Variants in POU6F2 observed in about 807,000 individuals in gnomAD.
POU6F2 encodes POU class 6 homeobox 2, also known as POU domain, class 6, transcription factor 2.
In POU6F2, 31 loss-of-function variants were observed where a neutral mutation model predicts 71.3. That is an observed-to-expected ratio of 0.43 (90% CI 0.33 to 0.59). The LOEUF (loss-of-function observed/expected upper bound fraction) is 0.59, where lower values mean the gene tolerates loss of function less well. POU6F2 is among the 20% of genes least tolerant of loss of function. The probability of loss-of-function intolerance (pLI) is 0.04; values close to 1 mark genes in which losing one functional copy is unlikely to be tolerated. For missense variants in POU6F2, 783 were observed against 856.8 expected (o/e 0.91, Z 1.07); for synonymous variants, 347 against 355.7 (o/e 0.98, Z 0.27).
chr7:39,045,588 A>G (rs1037623406), intron 1 of POU6F2, among the ~76,000 whole-genome samples: 10 of 151,422 alleles, frequency 6.6e-5, no homozygotes, highest in African/African-American at 2.2e-4. Context: ...TACATGCTGT[A>G]CATTCACTCA....
intron 1 of POU6F2, among the ~76,000 whole-genome samples, chr7:38,997,229 A>G (rs975276411): frequency 6.6e-6 from 1 of 152,000 alleles, no homozygotes; most frequent in Non-Finnish European, 1.5e-5. Context: ...ATTCTTCCCT[A>G]TTCTGAAACA....
intron 2 of POU6F2, among the ~76,000 whole-genome samples, chr7:39,176,276 A>G (rs967707747): frequency 6.6e-6 from 1 of 152,216 alleles, no homozygotes; most frequent in Non-Finnish European, 1.5e-5. Context: ...GAGAATGAGC[A>G]TGACTTAACT....
intron 2 of POU6F2, among the ~76,000 whole-genome samples, chr7:39,189,089 A>T (rs1253465936): frequency 1.3e-5 from 2 of 152,184 alleles, no homozygotes; most frequent in Non-Finnish European, 2.9e-5. Context: ...GCAGCCCCTA[A>T]CACCTAGGAC....
chr7:39,198,778 T>A lies in POU6F2; in HGVS notation c.278-5457T>A, dbSNP rs540129180. ...ACTGGCAATAAAAAGTGGCAAACAG[T>A]GGCAGTAGCTCAGCAGAGATTTTTA... On this transcript the variant is annotated intron_variant, in intron 2 of 9. Transcript: ENST00000518318. 1.6e-4 allele frequency among the ~76,000 whole-genome samples: 24 copies of A among 152,298 alleles called. No individual in the cohort carries two copies. In the South Asian group the frequency reaches 3.3e-3, roughly 21 times the overall value.
intron 4 of POU6F2, among the ~76,000 whole-genome samples, chr7:39,281,458 C>G (rs980762119): frequency 1.3e-5 from 2 of 152,104 alleles, no homozygotes; most frequent in Non-Finnish European, 2.9e-5. Context: ...CCCTCCTCCT[C>G]CCTCCCCTTT....
chr7:39,015,559 G>T (rs1789464670), intron 1 of POU6F2, among the ~76,000 whole-genome samples: 2 of 56,498 alleles, frequency 3.5e-5, no homozygotes, highest in Admixed American at 2.5e-4. Context: ...GTTTTATATA[G>T]ATCTACATTA....
At chr7:39,151,491 T>C (rs1792758925) in intron 2 of POU6F2, among the ~76,000 whole-genome samples, 2 of 152,208 alleles carry the variant, frequency 1.3e-5, no homozygotes. Context: ...GTTGAGCTGA[T>C]GTAGCTCTTG....
intron 6 of POU6F2, among the ~76,000 whole-genome samples, chr7:39,422,069 G>T (rs1787862462): frequency 6.6e-6 from 1 of 152,186 alleles, no homozygotes; most frequent in Admixed American, 6.5e-5. Flanking sequence ...TCAGCAATTT[G>T]ACAGTGTTGG....
chr7:39,431,421 C>G (rs929689832), intron 6 of POU6F2, among the ~76,000 whole-genome samples: 8 of 152,202 alleles, frequency 5.3e-5, no homozygotes, highest in East Asian at 1.9e-4. Flanking sequence ...ACGGCTGAGT[C>G]TAGAAACCAC....
intron 5 of POU6F2, among the ~76,000 whole-genome samples, chr7:39,381,852 A>G (rs1786836547): frequency 6.6e-6 from 1 of 152,150 alleles, no homozygotes; most frequent in Admixed American, 6.5e-5. Context: ...TCTGTAGTAA[A>G]GTTATACAAG....
At chr7:39,270,825 T>C (rs1784327304) in intron 4 of POU6F2, among the ~76,000 whole-genome samples, 1 of 152,222 alleles carries the variant, frequency 6.6e-6, no homozygotes, top group African/African-American at 2.4e-5. Flanking sequence ...ACCAATATTC[T>C]GGCCCCAATT....
chr7:39,113,956 T>C (rs1209114094), intron 2 of POU6F2, among the ~76,000 whole-genome samples: 1 of 152,188 alleles, frequency 6.6e-6, no homozygotes, highest in East Asian at 1.9e-4. Context: ...GTCCATAGCA[T>C]ACTTTTTTAA....
chr7:39,463,295 G>C (rs561952367), intron 9 of POU6F2, among the ~76,000 whole-genome samples: 4 of 152,244 alleles, frequency 2.6e-5, no homozygotes, highest in African/African-American at 9.6e-5. Flanking sequence ...AAGAATTGCT[G>C]ATGGCAGTTG....
intron 4 of POU6F2, among the ~76,000 whole-genome samples, chr7:39,292,874 G>T (rs891942607): frequency 1.3e-4 from 20 of 152,108 alleles, no homozygotes; most frequent in African/African-American, 4.6e-4. Flanking sequence ...GGGCTGCAGG[G>T]ATGGCTGGGG....
At chr7:39,211,576 G>T (rs932109661) in intron 4 of POU6F2, among the ~76,000 whole-genome samples, 4 of 152,158 alleles carry the variant, frequency 2.6e-5, no homozygotes, top group African/African-American at 9.7e-5. Context: ...CTTTCTCTCA[G>T]ATCCTTCCCA....
At chr7:39,123,748 G>C (rs1792090447) in intron 2 of POU6F2, among the ~76,000 whole-genome samples, 1 of 151,314 alleles carries the variant, frequency 6.6e-6, no homozygotes, top group Non-Finnish European at 1.5e-5. Flanking sequence ...GTTTCTTGGA[G>C]AGTTTTACCT....
chr7:39,130,253 A>G (rs1430298879), intron 2 of POU6F2, among the ~76,000 whole-genome samples: 1 of 152,074 alleles, frequency 6.6e-6, no homozygotes, highest in Non-Finnish European at 1.5e-5. Flanking sequence ...CAGATGAAAC[A>G]AAATGAATGA....
intron 6 of POU6F2, among the ~76,000 whole-genome samples, chr7:39,429,763 C>G (rs1385457372): frequency 6.6e-6 from 1 of 152,192 alleles, no homozygotes; most frequent in Non-Finnish European, 1.5e-5. Context: ...AAGTCAAACT[C>G]CAAAAGCATC....
intron 7 of POU6F2, among the ~76,000 whole-genome samples, chr7:39,445,907 GT>G (rs1788512032): frequency 6.6e-6 from 1 of 152,120 alleles, no homozygotes; most frequent in African/African-American, 2.4e-5. Flanking sequence ...TCCAAAATCT[GT>G]GTGGTCCTCC....
Sources: allele counts gnomAD v4.1 joint callset (sites outside exome capture counted in the v4.1 genomes callset), GRCh38; gene constraint gnomAD v4.1.1; transcripts MANE v1.5; gene names NCBI Gene and HGNC (gene_info 2026-07-23, HGNC 2026-07-21).